The following THADA variants were observed in gnomAD, a reference collection of about 807,000 sequenced individuals.
The protein encoded by THADA is tRNA (32-2'-O)-methyltransferase regulator THADA.
THADA carries 213 observed loss-of-function variants against 219.8 expected under a neutral mutation model. The ratio of observed to expected loss-of-function variants is 0.97; its 90% CI spans 0.87 to 1.09. The LOEUF is 1.09. THADA is among the 50% of genes least tolerant of loss of function. The pLI is 0.00. For missense variants in THADA, 2,956 were observed against 2,311.3 expected (o/e 1.28, Z -5.72); for synonymous variants, 1,018 against 828.9 (o/e 1.23, Z -3.92).
rs1174701634 is a variant in THADA at position 43,570,432 on chromosome 2, C to G, written c.2143G>C (p.Glu715Gln). Residue 715 changes from glutamate (E) to glutamine (Q), a missense_variant, in exon 14 of 38, where the codon GAG (glutamate) becomes CAG (glutamine). Glu to Gln is a conservative substitution (Grantham distance 29, BLOSUM62 2). Transcript: ENST00000405975. ...QSKSKREPENELTKQHPSVSL... is the reference protein window; with the variant it reads ...QSKSKREPENQLTKQHPSVSL... ...ACAGAAGGGTGCTGTTTGGTTAACTCATTCTCTGGTTCACGTTTGGATTTA... is the reference window on the plus strand; with the variant it reads ...ACAGAAGGGTGCTGTTTGGTTAACTGATTCTCTGGTTCACGTTTGGATTTA... 1.2e-6 allele frequency: 2 copies of G among 1,613,490 alleles called. No homozygotes were observed. Among genetic ancestry groups the G allele is most frequent in the African/African-American group, 1.3e-5 (1 of 74,898 alleles).
At chr2:43,283,404 A>G (rs970319572) in intron 35 of THADA, among the ~76,000 whole-genome samples, 6 of 152,220 alleles carry the variant, frequency 3.9e-5, no homozygotes, top group African/African-American at 9.7e-5. Context: ...CAGAGGTTGA[A>G]ACAGTTTGGA....
chr2:43,585,837 T>G (rs1700965182), intron 7 of THADA, among the ~76,000 whole-genome samples: 3 of 152,054 alleles, frequency 2.0e-5, no homozygotes, highest in Non-Finnish European at 2.9e-5. Flanking sequence ...CTTTCACTTA[T>G]TCTCATAACA....
chr2:43,514,733 T>C (rs1365446138), intron 22 of THADA, among the ~76,000 whole-genome samples: 1 of 89,140 alleles, frequency 1.1e-5, no homozygotes, highest in African/African-American at 4.9e-5. Flanking sequence ...ATATATAATA[T>C]GTATAATATA....
At chr2:43,535,564 G>A (rs1694464121) in intron 21 of THADA, among the ~76,000 whole-genome samples, 1 of 146,330 alleles carries the variant, frequency 6.8e-6, no homozygotes, top group Admixed American at 7.0e-5. Flanking sequence ...GCTTGTAATC[G>A]AAGCTACTTG....
At chr2:43,253,273 A>G (rs1345062032) in intron 36 of THADA, among the ~76,000 whole-genome samples, 1 of 152,154 alleles carries the variant, frequency 6.6e-6, no homozygotes, top group African/African-American at 2.4e-5. Context: ...GGGGAGGTAT[A>G]AGGTGCTGTG....
At chr2:43,303,047 A>C (rs1676443529) in intron 31 of THADA, among the ~76,000 whole-genome samples, 1 of 152,190 alleles carries the variant, frequency 6.6e-6, no homozygotes, top group South Asian at 2.1e-4. Flanking sequence ...GAGCAGCACT[A>C]GTGAATTACA....
chr2:43,533,168 G>A (rs1047465177), intron 21 of THADA, among the ~76,000 whole-genome samples: 1 of 152,170 alleles, frequency 6.6e-6, no homozygotes, highest in African/African-American at 2.4e-5. Flanking sequence ...TTAGAGAAAT[G>A]CAAATCAAAA....
intron 26 of THADA, among the ~76,000 whole-genome samples, chr2:43,435,657 C>A (rs1469779322): frequency 6.6e-6 from 1 of 151,866 alleles, no homozygotes; most frequent in Non-Finnish European, 1.5e-5. Context: ...GTAGCATCTG[C>A]CTGTAATCCC....
At chr2:43,511,464 G>A (rs1690435416) in intron 22 of THADA, among the ~76,000 whole-genome samples, 1 of 152,068 alleles carries the variant, frequency 6.6e-6, no homozygotes, top group Non-Finnish European at 1.5e-5. Context: ...AACTTTCAGT[G>A]GCTCTTGACT....
chr2:43,422,227 T>G (rs1677801074), intron 28 of THADA, among the ~76,000 whole-genome samples: 1 of 152,232 alleles, frequency 6.6e-6, no homozygotes, highest in Non-Finnish European at 1.5e-5. Context: ...AGCTGAAATC[T>G]ATCTTCCATT....
At position 43,581,899 on chromosome 2, in the gene THADA, G is replaced by C; in HGVS notation, c.563C>G (p.Thr188Arg). Residue 188 changes from threonine (T) to arginine (R), a missense_variant, in exon 8 of 38, where the codon ACA (threonine) becomes AGA (arginine). Physicochemically the swap from Thr to Arg is moderately conservative, Grantham distance 71. Transcript: ENST00000405975. Reference protein sequence around the residue: ...RKCAGNHIIQTQLMNDLLVGI... With the variant: ...RKCAGNHIIQRQLMNDLLVGI... ...TACCAGTAAGTCATTCATCAACTGTGTTTGAATAATATGATTTCCAGCACA... is the reference window on the plus strand; with the variant it reads ...TACCAGTAAGTCATTCATCAACTGTCTTTGAATAATATGATTTCCAGCACA... The C allele has an allele frequency of 6.4e-7, 1 of 1,561,198 alleles. No homozygotes were observed.
At chr2:43,268,773 CATCT>C (rs1185218222) in intron 36 of THADA, among the ~76,000 whole-genome samples, 2 of 152,296 alleles carry the variant, frequency 1.3e-5, no homozygotes, top group African/African-American at 2.4e-5. Flanking sequence ...GTCTGACCTT[CATCT>C]GGCTGTTGGG....
chr2:43,407,834 T>G (rs1675763489), intron 28 of THADA, among the ~76,000 whole-genome samples: 1 of 151,952 alleles, frequency 6.6e-6, no homozygotes, highest in African/African-American at 2.4e-5. Context: ...TATATGTGGG[T>G]TTTCACTCTA....
At chr2:43,432,543 T>G (rs971762101) in intron 26 of THADA, among the ~76,000 whole-genome samples, 2 of 152,116 alleles carry the variant, frequency 1.3e-5, no homozygotes, top group South Asian at 4.2e-4. Context: ...TCATTTCTCC[T>G]GGATTAATAT....
intron 3 of THADA, 124 bp from the exon 4 acceptor site, chr2:43,591,078 T>C (rs1332971143): frequency 1.1e-6 from 1 of 881,602 alleles, no homozygotes; most frequent in Admixed American, 2.7e-5. Flanking sequence ...CCCAACACTT[T>C]GGGAGGCTGA....
chr2:43,583,799 T>C (rs985898726), intron 7 of THADA, among the ~76,000 whole-genome samples: 10 of 151,886 alleles, frequency 6.6e-5, no homozygotes, highest in African/African-American at 2.4e-4. Context: ...TCCCAGCACT[T>C]TGGGGGACTG....
chr2:43,451,393 A>C (rs1368288928), intron 26 of THADA, among the ~76,000 whole-genome samples: 1 of 152,014 alleles, frequency 6.6e-6, no homozygotes, highest in Non-Finnish European at 1.5e-5. Context: ...TCCATCCCCC[A>C]CTGTCCATTA....
intron 29 of THADA, among the ~76,000 whole-genome samples, chr2:43,363,796 T>C (rs1206365890): frequency 1.3e-5 from 2 of 152,268 alleles, no homozygotes; most frequent in South Asian, 4.1e-4. Flanking sequence ...TTCGTTCTAG[T>C]ATTTAAATAA....
intron 15 of THADA, among the ~76,000 whole-genome samples, chr2:43,561,021 A>C (rs919998544): frequency 5.6e-5 from 4 of 71,394 alleles, no homozygotes; most frequent in Admixed American, 1.1e-4. Flanking sequence ...GGTCTCAAAA[A>C]AAAAAAAAAA....
Sources: gnomAD v4.1 joint callset for allele counts (sites outside exome capture counted in the v4.1 genomes callset) on GRCh38, gnomAD v4.1.1 for gene constraint, MANE v1.5 for transcripts, NCBI Gene and HGNC (gene_info 2026-07-23, HGNC 2026-07-21) for gene names.